DNAAF11: variants seen among roughly 807,000 people sequenced by gnomAD.
DNAAF11 encodes the protein dynein axonemal assembly factor 11, also known as leucine rich repeat containing 6.
In DNAAF11, 45 loss-of-function variants were observed where a neutral mutation model predicts 60.8. The observed-to-expected ratio is 0.74, with a 90% confidence interval of 0.58 to 0.95. The LOEUF is 0.95. Ranked by LOEUF, DNAAF11 falls within the 40% of genes least tolerant of loss-of-function variation. DNAAF11 has a pLI of 0.00. For synonymous variants in DNAAF11, 191 were observed against 183.5 expected (o/e 1.04, Z -0.33); for missense variants, 546 against 546.2 (o/e 1.00, Z 0.00).
At chr8:132,655,920 T>C (rs889329843) in intron 3 of DNAAF11, among the ~76,000 whole-genome samples, 2 of 152,194 alleles carry the variant, frequency 1.3e-5, no homozygotes, top group African/African-American at 2.4e-5. Flanking sequence ...TACAAATCGA[T>C]ACAATAAATA....
intron 5 of DNAAF11, among the ~76,000 whole-genome samples, 196 bp from the exon 6 acceptor site, chr8:132,625,650 GCA>G (rs1379760213): frequency 1.3e-5 from 2 of 152,144 alleles, no homozygotes; most frequent in Non-Finnish European, 2.9e-5. Context: ...AAGGCTGTTA[GCA>G]CTCATTACAT....
At chr8:132,622,093 A>G (rs1311796780) in intron 7 of DNAAF11, among the ~76,000 whole-genome samples, 1 of 152,198 alleles carries the variant, frequency 6.6e-6, no homozygotes, top group East Asian at 1.9e-4. Flanking sequence ...ACAGACAAAG[A>G]GGGTAGATCA....
chr8:132,651,698 A>G (rs1360233571), intron 3 of DNAAF11, among the ~76,000 whole-genome samples: 1 of 152,208 alleles, frequency 6.6e-6, no homozygotes, highest in African/African-American at 2.4e-5. Flanking sequence ...AAGAATACTT[A>G]CTTCACAAAA....
At chr8:132,641,607 A>G (rs1181193624) in intron 3 of DNAAF11, among the ~76,000 whole-genome samples, 1 of 152,210 alleles carries the variant, frequency 6.6e-6, no homozygotes, top group Non-Finnish European at 1.5e-5. Flanking sequence ...AGTGCAGCAG[A>G]TAAGTCAACA....
intron 10 of DNAAF11, among the ~76,000 whole-genome samples, chr8:132,601,377 G>C (rs1449410232): frequency 5.3e-5 from 8 of 152,106 alleles, no homozygotes; most frequent in Admixed American, 2.6e-4. Flanking sequence ...ATTCTTCAAG[G>C]ATCTAGAACT....
At chr8:132,630,962 C>T (rs1163071350) in intron 5 of DNAAF11, among the ~76,000 whole-genome samples, 1 of 152,104 alleles carries the variant, frequency 6.6e-6, no homozygotes, top group Non-Finnish European at 1.5e-5. Context: ...CTCTAGAAAA[C>T]AATTTGGCAA....
chr8:132,624,697 T>C (rs960949110), intron 6 of DNAAF11, among the ~76,000 whole-genome samples: 3 of 152,136 alleles, frequency 2.0e-5, no homozygotes, highest in Non-Finnish European at 4.4e-5. Context: ...ATACTAGACT[T>C]AAGCAATGAC....
chr8:132,681,154 G>T, the DNAAF11 span, among the ~76,000 whole-genome samples: 2 of 150,926 alleles, frequency 1.3e-5, no homozygotes, highest in Admixed American at 1.3e-4. Flanking sequence ...GGGATTAAAG[G>T]CATGCACGAC....
chr8:132,591,577 C>T (rs1017296752), intron 10 of DNAAF11, among the ~76,000 whole-genome samples: 1 of 151,944 alleles, frequency 6.6e-6, no homozygotes, highest in Non-Finnish European at 1.5e-5. Flanking sequence ...TGAATTTACA[C>T]ATATTATCCT....
intron 1 of DNAAF11, among the ~76,000 whole-genome samples, chr8:132,664,976 C>T (rs186753783): frequency 9.2e-5 from 14 of 152,070 alleles, no homozygotes; most frequent in Non-Finnish European, 1.8e-4. Context: ...AAATTACACA[C>T]ACACACAAAG....
the DNAAF11 span, among the ~76,000 whole-genome samples, chr8:132,699,153 T>G: frequency 1.3e-5 from 2 of 150,904 alleles, no homozygotes; most frequent in Non-Finnish European, 3.0e-5. Flanking sequence ...AAAAGAATGA[T>G]AATTTCTGAT....
the DNAAF11 span, among the ~76,000 whole-genome samples, chr8:132,681,003 CTTTTTTT>C: frequency 7.0e-3 from 366 of 52,340 alleles, 10 homozygotes; most frequent in Non-Finnish European, 9.7e-3. Flanking sequence ...ATAACTATTC[CTTTTTTT>C]TTTTTTTTTT....
At position 132,625,413 on chromosome 8, in the gene DNAAF11, G is replaced by A. The variant is rs2293979; in HGVS notation, c.695C>T (p.Thr232Ile). The change falls in exon 6 of 12, where the codon ACA becomes ATA. Residue 232 changes from threonine (T) to isoleucine (I), a missense_variant. Transcript: ENST00000620350. The part of the protein sequence containing the change: ...ESKDHLQAPD[T>I]EEHNTKKLDN... Reference sequence around the variant, plus strand: ...TAATTTCTTTGTGTTGTGTTCCTCTGTGTCTGGTGCCTGTAGGTGGTCTTT... The same window carrying A: ...TAATTTCTTTGTGTTGTGTTCCTCTATGTCTGGTGCCTGTAGGTGGTCTTT... 678,170 of 1,610,902 alleles carry A rather than the reference G, an allele frequency of 0.42. 152,357 individuals carry two copies. Among genetic ancestry groups the A allele is most frequent in the African/African-American group, 0.83 (62,488 of 74,904 alleles).
chr8:132,608,612 T>G, intron 10 of DNAAF11: 1 of 328,618 alleles, frequency 3.0e-6, no homozygotes, highest in South Asian at 2.6e-5. Context: ...GCAGAGTCTC[T>G]ATTTAATCTT....
intron 10 of DNAAF11, among the ~76,000 whole-genome samples, chr8:132,607,996 T>C (rs563592315): frequency 6.0e-4 from 91 of 152,306 alleles, no homozygotes; most frequent in African/African-American, 2.1e-3. Flanking sequence ...AATAGCTCCA[T>C]GGGTTAAACT....
chr8:132,697,910 T>G, the DNAAF11 span, among the ~76,000 whole-genome samples: 1 of 152,198 alleles, frequency 6.6e-6, no homozygotes, highest in Non-Finnish European at 1.5e-5. Flanking sequence ...GACCTCAATC[T>G]TACTTCTAGG....
chr8:132,661,759 T>C (rs897703750), intron 1 of DNAAF11, 132 bp from the exon 2 acceptor site: 34 of 862,048 alleles, frequency 3.9e-5, no homozygotes, highest in Non-Finnish European at 6.2e-5. Flanking sequence ...CCCAAGCGAT[T>C]TTCAAAGTGA....
upstream of DNAAF11, among the ~76,000 whole-genome samples, chr8:132,679,269 C>T (rs1412360421): frequency 2.6e-5 from 4 of 152,126 alleles, no homozygotes; most frequent in Non-Finnish European, 5.9e-5. Flanking sequence ...TCCTAGCTCT[C>T]GCAAAATTCC....
the DNAAF11 span, among the ~76,000 whole-genome samples, chr8:132,693,663 G>A: frequency 6.6e-6 from 1 of 151,946 alleles, no homozygotes; most frequent in Admixed American, 6.6e-5. Flanking sequence ...TTGGGGTGGG[G>A]GAAAGCAAGC....
Sources: allele counts gnomAD v4.1 joint callset (sites outside exome capture counted in the v4.1 genomes callset), GRCh38; gene constraint gnomAD v4.1.1; transcripts MANE v1.5; gene names NCBI Gene and HGNC (gene_info 2026-07-23, HGNC 2026-07-21).